ART3: variants seen among roughly 807,000 people sequenced by gnomAD.
ART3 encodes ecto-ADP-ribosyltransferase 3.
Under a neutral mutation model 48.5 loss-of-function variants are expected in ART3, and 49 were observed. That is an observed-to-expected ratio of 1.01 (90% CI 0.80 to 1.28). ART3 has a LOEUF of 1.28. Ranked by LOEUF, ART3 falls within the 50% of genes most tolerant of loss-of-function variation. The pLI, the probability that ART3 is intolerant of heterozygous loss-of-function variation, is 0.00. For synonymous variants in ART3, 145 were observed against 157.2 expected (o/e 0.92, Z 0.58); for missense variants, 438 against 454.3 (o/e 0.96, Z 0.33).
intron 2 of ART3, among the ~76,000 whole-genome samples, chr4:76,081,116 G>A (rs1722372587): frequency 6.6e-6 from 1 of 152,198 alleles, no homozygotes; most frequent in African/African-American, 2.4e-5. Context: ...AGCGTCTAAA[G>A]TATGTTTTCG....
chr4:76,083,033 A>G (rs960570773), intron 3 of ART3, among the ~76,000 whole-genome samples: 2 of 152,192 alleles, frequency 1.3e-5, no homozygotes, highest in African/African-American at 4.8e-5. Flanking sequence ...CTGCTAAAAT[A>G]AAAATAAATT....
chr4:76,045,506 C>T (rs1735417494), intron 1 of ART3, among the ~76,000 whole-genome samples: 1 of 151,952 alleles, frequency 6.6e-6, no homozygotes, highest in Admixed American at 6.6e-5. Context: ...CTGCAACTAC[C>T]CTTAAACAGT....
intron 8 of ART3, among the ~76,000 whole-genome samples, chr4:76,101,330 T>C (rs1355545860): frequency 6.6e-6 from 1 of 152,270 alleles, no homozygotes; most frequent in Non-Finnish European, 1.5e-5. Context: ...ATATTGTTTT[T>C]TCTAAATTAA....
chr4:76,080,754 C>T (rs1327541120), intron 2 of ART3, among the ~76,000 whole-genome samples: 1 of 152,134 alleles, frequency 6.6e-6, no homozygotes, highest in Non-Finnish European at 1.5e-5. Flanking sequence ...CATGATCTGC[C>T]CGCCTCGGCC....
chr4:76,028,993 AT>A (rs1733649339), intron 1 of ART3, among the ~76,000 whole-genome samples: 1 of 152,200 alleles, frequency 6.6e-6, no homozygotes, highest in African/African-American at 2.4e-5. Context: ...AATAAAGTAA[AT>A]GTGTTTGGGG....
rs1268319416 is a variant in ART3 at position 76,022,701 on chromosome 4, C to T, written c.-10+11381C>T. The T allele has an allele frequency of 3.1e-6, 5 of 1,613,634 alleles. No individual in the cohort carries two copies. The highest frequency in any genetic ancestry group is 1.6e-4 in the Middle Eastern group (1 of 6,072). On this transcript the variant is annotated intron_variant, in intron 1 of 9. Coordinates refer to the ART3 transcript ENST00000341029. ...TGGGATTTCACTCACATGATCTCAACACGTGGACAAAATTGGCTTGCAGGA... is the reference window on the plus strand; with the variant it reads ...TGGGATTTCACTCACATGATCTCAATACGTGGACAAAATTGGCTTGCAGGA...
chr4:76,036,901 C>T (rs1560587505), intron 1 of ART3: 4 of 213,182 alleles, frequency 1.9e-5, no homozygotes, highest in Admixed American at 1.4e-4. Context: ...CTCCATGCCA[C>T]GCCACTCGTT....
At chr4:76,028,088 G>A (rs1733566686) in intron 1 of ART3, among the ~76,000 whole-genome samples, 1 of 152,076 alleles carries the variant, frequency 6.6e-6, no homozygotes, top group Admixed American at 6.6e-5. Flanking sequence ...AGAGTCAAAC[G>A]AAGGACCCTT....
At chr4:76,083,406 G>A (rs2149565813) in intron 3 of ART3, among the ~76,000 whole-genome samples, 1 of 152,260 alleles carries the variant, frequency 6.6e-6, no homozygotes, top group Non-Finnish European at 1.5e-5. Context: ...GAATGAGTAT[G>A]TAACCCTCAT....
At chr4:76,024,582 TTGAACCTGAGAGTGGAAA>T (rs763310256) in intron 1 of ART3, among the ~76,000 whole-genome samples, 4 of 152,298 alleles carry the variant, frequency 2.6e-5, no homozygotes, top group Non-Finnish European at 5.9e-5. Flanking sequence ...GGAACACATG[TTGAACCTGAGAGTGGAAA>T]TTTAGCAGTA....
intron 1 of ART3, among the ~76,000 whole-genome samples, chr4:76,067,350 T>C (rs1320131799): frequency 6.6e-6 from 1 of 152,216 alleles, no homozygotes; most frequent in African/African-American, 2.4e-5. Flanking sequence ...GGAGTGCATC[T>C]TGAGTTTGTG....
At chr4:76,018,366 A>G (rs955632563) in intron 1 of ART3, among the ~76,000 whole-genome samples, 4 of 152,202 alleles carry the variant, frequency 2.6e-5, no homozygotes, top group African/African-American at 4.8e-5. Flanking sequence ...GTTCTCACTT[A>G]TAAGTGGGAA....
At chr4:76,081,492 A>T (rs1298250673) in intron 2 of ART3, among the ~76,000 whole-genome samples, 1 of 152,222 alleles carries the variant, frequency 6.6e-6, no homozygotes, top group African/African-American at 2.4e-5. Flanking sequence ...TCTAGCTAAG[A>T]TGTTCAAAGC....
intron 1 of ART3, among the ~76,000 whole-genome samples, chr4:76,011,797 C>T (rs955505969): frequency 6.6e-6 from 1 of 152,238 alleles, no homozygotes; most frequent in Non-Finnish European, 1.5e-5. Context: ...CCTGTCCAGA[C>T]ACTAGTTTCC....
intron 1 of ART3, among the ~76,000 whole-genome samples, chr4:76,056,327 A>G (rs1376492629): frequency 6.6e-6 from 1 of 152,186 alleles, no homozygotes; most frequent in East Asian, 1.9e-4. Flanking sequence ...GGGTTAAACT[A>G]GTGGAGGGAG....
chr4:76,020,843 G>A (rs1022814657), intron 1 of ART3, among the ~76,000 whole-genome samples: 5 of 151,976 alleles, frequency 3.3e-5, no homozygotes, highest in Non-Finnish European at 7.4e-5. Context: ...GACAGAGGAA[G>A]ACCCTGTGTC....
chr4:76,034,868 C>T, intron 1 of ART3: 2 of 1,507,856 alleles, frequency 1.3e-6, no homozygotes, highest in Non-Finnish European at 1.8e-6. Context: ...TTGTTTCCCC[C>T]AGGACATCTA....
chr4:76,021,822 A>G, intron 1 of ART3: 1 of 1,113,272 alleles, frequency 9.0e-7, no homozygotes, highest in Non-Finnish European at 1.4e-6. Context: ...CTGCAAACTA[A>G]GAACAATTAT....
At chr4:76,035,741 C>G (rs189782500) in intron 1 of ART3, among the ~76,000 whole-genome samples, 42 of 152,324 alleles carry the variant, frequency 2.8e-4, no homozygotes, top group Admixed American at 2.6e-3. Flanking sequence ...TTCATAATTT[C>G]TAGTTTCAAT....
Sources: gnomAD v4.1 joint callset for allele counts (sites outside exome capture counted in the v4.1 genomes callset) on GRCh38, gnomAD v4.1.1 for gene constraint, MANE v1.5 for transcripts, NCBI Gene and HGNC (gene_info 2026-07-23, HGNC 2026-07-21) for gene names.